The following ELFN1 variants were observed in gnomAD, a reference collection of about 807,000 sequenced individuals.
ELFN1 encodes protein ELFN1.
Under a neutral mutation model 7.6 loss-of-function variants are expected in ELFN1, and 6 were observed. The observed-to-expected ratio is 0.79, with a 90% CI of 0.43 to 1.56. ELFN1 has a LOEUF of 1.56. Ranked by LOEUF, ELFN1 falls within the 40% of genes most tolerant of loss-of-function variation. The pLI is 0.01. For missense variants in ELFN1, 1,169 were observed against 1,232.2 expected (o/e 0.95, Z 0.77); for synonymous variants, 657 against 588.1 (o/e 1.12, Z -1.70).
chr7:1,744,478 C>G lies in ELFN1; in HGVS notation c.-119C>G. The G allele has an allele frequency of 8.3e-7, 1 of 1,208,008 alleles. No homozygotes were observed. Among genetic ancestry groups the G allele is most frequent in the East Asian group, 2.7e-5 (1 of 37,050 alleles). The allele number at this position is 1,208,008 out of a possible 1,614,324, so 74.8% of individuals were successfully genotyped here. On this transcript the variant is annotated 5_prime_UTR_variant, in exon 4 of 4. Coordinates refer to ENST00000424383, the MANE Select transcript of ELFN1 (RefSeq NM_001128636.4). ...CGGCCATGCGGTTTGGGACAGGACA[C>G]CCCTGAGAGTGCAGGCACCTCCCCC...
chr7:1,701,105 A>G (rs1166103410), intron 2 of ELFN1, among the ~76,000 whole-genome samples: 3 of 150,740 alleles, frequency 2.0e-5, no homozygotes, highest in Non-Finnish European at 4.4e-5. Flanking sequence ...GTGTGTGCGC[A>G]TATGTGTGCG....
At chr7:1,743,459 G>GC (rs1036926548) in intron 3 of ELFN1, among the ~76,000 whole-genome samples, 5 of 152,180 alleles carry the variant, frequency 3.3e-5, no homozygotes, top group Non-Finnish European at 5.9e-5. Context: ...AAGGGAGGTG[G>GC]CCCCTATCCA....
At chr7:1,668,454 C>T (rs1468522237), upstream of ELFN1, among the ~76,000 whole-genome samples, 2 of 152,238 alleles carry the variant, frequency 1.3e-5, no homozygotes, top group Non-Finnish European at 2.9e-5. Context: ...TCCAGTACCT[C>T]TCTTGGGGTT....
intron 3 of ELFN1, 35 bp from the exon 4 acceptor site, chr7:1,744,251 ACCGCTGTCTTCTCTCTTG>A (rs1562389940): frequency 2.5e-5 from 3 of 119,072 alleles, no homozygotes; most frequent in South Asian, 2.5e-4. Flanking sequence ...CCGTCCCCTG[ACCGCTGTCTTCTCTCTTG>A]TCCCCTGACC....
intron 1 of ELFN1, among the ~76,000 whole-genome samples, chr7:1,671,989 G>T (rs796686408): frequency 5.3e-5 from 8 of 152,306 alleles, no homozygotes; most frequent in African/African-American, 1.4e-4. Context: ...AGACCTGGGG[G>T]TCTCCAAGTC....
At chr7:1,712,190 TTTC>T (rs1156593745) in intron 3 of ELFN1, among the ~76,000 whole-genome samples, 1 of 152,226 alleles carries the variant, frequency 6.6e-6, no homozygotes, top group Non-Finnish European at 1.5e-5. Context: ...TTTCTTTTCT[TTTC>T]TTTTCTTTGA....
At chr7:1,667,992 C>G (rs62435467), upstream of ELFN1, among the ~76,000 whole-genome samples, 46,883 of 148,502 alleles carry the variant, frequency 0.32, 7,775 homozygotes, top group African/African-American at 0.37. This position sits in a 1 kb window ranked among gnomAD's most constrained non-coding sequence, Gnocchi z 8.2. Context: ...CGCGAGGACT[C>G]GACCCCTGCC....
At chr7:1,702,419 T>TC (rs1779448021) in intron 2 of ELFN1, among the ~76,000 whole-genome samples, 1 of 147,356 alleles carries the variant, frequency 6.8e-6, no homozygotes, top group African/African-American at 2.7e-5. Context: ...CGAGACTCCG[T>TC]CGGGGGGGAA....
chr7:1,704,405 GCACA>G (rs1779488047), intron 2 of ELFN1, among the ~76,000 whole-genome samples: 1 of 152,118 alleles, frequency 6.6e-6, no homozygotes, highest in Non-Finnish European at 1.5e-5. Flanking sequence ...ACACACACAA[GCACA>G]CAGACACTCA....
chr7:1,725,009 G>T (rs938133225), intron 3 of ELFN1, among the ~76,000 whole-genome samples: 18 of 152,206 alleles, frequency 1.2e-4, no homozygotes, highest in African/African-American at 4.3e-4. Context: ...CTGTGGGGAG[G>T]GGCACAGCCC....
At chr7:1,716,003 T>A (rs1035475116) in intron 3 of ELFN1, among the ~76,000 whole-genome samples, 5 of 152,240 alleles carry the variant, frequency 3.3e-5, no homozygotes, top group Admixed American at 3.3e-4. Flanking sequence ...CAGGTTTAAC[T>A]GTGGGCGCCA....
rs528290447 is a variant in ELFN1 at position 1,712,063 on chromosome 7, G to A, written c.-294+2811G>A. 5.9e-5 allele frequency among the ~76,000 whole-genome samples: 9 copies of A among 152,380 alleles called. No homozygotes were observed. In the South Asian group the frequency reaches 8.3e-4, roughly 14 times the overall value. ...GGGGATGGGACAGTGGTTGGGAGGC[G>A]TGAGCTGGGCTTTGCTTGAGATGCC... is the stretch of plus-strand genomic sequence containing the variant. On this transcript the variant is annotated intron_variant, in intron 3 of 3. Coordinates refer to ENST00000424383, the MANE Select transcript of ELFN1 (RefSeq NM_001128636.4).
At chr7:1,666,833 C>G (rs1332737739), upstream of ELFN1, among the ~76,000 whole-genome samples, 10 of 151,876 alleles carry the variant, frequency 6.6e-5, no homozygotes, top group Admixed American at 4.6e-4. The surrounding 1 kb of genome is among the most constrained non-coding windows in gnomAD (Gnocchi z 7.9). Context: ...GCTTGAACCT[C>G]CGGAGGGGGT....
rs571392480 is a variant in ELFN1, at chr7:1,735,442, C to A, written c.-293-8862C>A. ...CCCTCCGTTCTACTCCCCAGCCCGG[C>A]CTCCTGGAGGGCAAGGCGGAGGTCA... On this transcript the variant is annotated intron_variant, in intron 3 of 3. Coordinates refer to ENST00000424383, the MANE Select transcript of ELFN1 (RefSeq NM_001128636.4). This position sits in a 1 kb window ranked among gnomAD's most constrained non-coding sequence, Gnocchi z 5.9. 1.3e-5 allele frequency among the ~76,000 whole-genome samples: 2 copies of A among 152,216 alleles called. No individual in the cohort carries two copies. The highest frequency in any genetic ancestry group is 2.9e-5 in the Non-Finnish European group (2 of 67,996).
In ELFN1 at chr7:1,745,331, A is replaced by G; in HGVS notation, c.735A>G (p.Lys245=). 1 of 1,539,714 alleles carries G rather than the reference A, an allele frequency of 6.5e-7. No homozygotes were observed. Among genetic ancestry groups the G allele is most frequent in the Non-Finnish European group, 8.7e-7 (1 of 1,146,704 alleles). Residue 245 remains lysine (K), a synonymous_variant, in exon 4 of 4, where the codon AAA becomes AAG. Coordinates refer to ENST00000424383, the MANE Select transcript of ELFN1 (RefSeq NM_001128636.4). ...GCGGCCACCGCAGCATCCTCAGCAA[A>G]CTGCAGTCAGTCTGCACCGAGGACT... ...GRRGHRSILS[K]LQSVCTEDSY...
chr7:1,738,843 T>C (rs1780525864), intron 3 of ELFN1: 1 of 151,124 alleles, frequency 6.6e-6, no homozygotes, highest in African/African-American at 2.4e-5. Context: ...CCAACATGAA[T>C]TAAAAGTAAA....
chr7:1,726,927 C>T (rs115374732), intron 3 of ELFN1, among the ~76,000 whole-genome samples: 3,947 of 152,224 alleles, frequency 0.026, 186 homozygotes, highest in African/African-American at 0.089. Flanking sequence ...TTGTTTAGTC[C>T]TCTGAGGGTC....
chr7:1,679,120 C>T (rs1226394064), intron 1 of ELFN1, among the ~76,000 whole-genome samples: 1 of 152,092 alleles, frequency 6.6e-6, no homozygotes. Flanking sequence ...TAGAGCCCAC[C>T]CCCCACATAC....
intron 2 of ELFN1, among the ~76,000 whole-genome samples, chr7:1,707,238 CT>C (rs1373762594): frequency 6.6e-6 from 1 of 152,248 alleles, no homozygotes; most frequent in Non-Finnish European, 1.5e-5. Context: ...TTTTGGATGG[CT>C]TTGCTGGAAA....
Sources: gnomAD v4.1 joint callset for allele counts (sites outside exome capture counted in the v4.1 genomes callset) on GRCh38, gnomAD v4.1.1 for gene constraint, Gnocchi (gnomAD v3.1) non-coding constraint, MANE v1.5 for transcripts, NCBI Gene and HGNC (gene_info 2026-07-23, HGNC 2026-07-21) for gene names.